Variants in QRICH2 observed in about 807,000 individuals in gnomAD.
QRICH2 encodes glutamine rich 2.
Under a neutral mutation model 168.3 loss-of-function variants are expected in QRICH2, and 119 were observed. The observed-to-expected ratio is 0.71, with a 90% CI of 0.61 to 0.82. The LOEUF is 0.82. QRICH2 is among the 40% of genes least tolerant of loss of function. The pLI, the probability that QRICH2 is intolerant of heterozygous loss-of-function variation, is 0.00. For synonymous variants in QRICH2, 894 were observed against 951.2 expected, an observed-to-expected ratio of 0.94 and a Z score of 1.11; for missense variants, 2,241 against 2,491.6, an observed-to-expected ratio of 0.90 and a Z score of 2.14.
intron 17 of QRICH2, 33 bp from the exon 18 acceptor site, chr17:76,275,980 G>A: frequency 6.3e-7 from 1 of 1,599,050 alleles, no homozygotes; most frequent in Non-Finnish European, 8.5e-7. Context: ...GGTCAGTGCT[G>A]AGGCAGCGGT....
chr17:76,279,973 C>T (rs1006292808), intron 12 of QRICH2, 60 bp downstream of exon 12: 2 of 1,525,634 alleles, frequency 1.3e-6, no homozygotes, highest in Non-Finnish European at 1.8e-6. Context: ...ACCCCCAGCC[C>T]CCTCTGCCCT....
intron 12 of QRICH2, among the ~76,000 whole-genome samples, chr17:76,279,671 C>T (rs914351809): frequency 6.6e-5 from 10 of 152,302 alleles, no homozygotes; most frequent in South Asian, 2.1e-4. Context: ...CGCCCCCTGG[C>T]GGCCACGAAT....
chr17:76,303,261 G>T (rs1421501969), intron 3 of QRICH2, among the ~76,000 whole-genome samples: 1 of 152,090 alleles, frequency 6.6e-6, no homozygotes, highest in Non-Finnish European at 1.5e-5. Context: ...GGAGATCCCA[G>T]GTTGTTTTTT....
At chr17:76,287,165 TGGA>T (rs2070903514) in intron 7 of QRICH2, 24 bp downstream of exon 7, 2 of 1,541,850 alleles carry the variant, frequency 1.3e-6, no homozygotes, top group East Asian at 2.2e-5. Context: ...CCTTGGTCCC[TGGA>T]GCTAAAGAGT....
At chr17:76,285,005 C>T (rs971618817) in intron 7 of QRICH2, among the ~76,000 whole-genome samples, 35 of 150,624 alleles carry the variant, frequency 2.3e-4, no homozygotes, top group African/African-American at 5.8e-4. Flanking sequence ...CCCAGGCTGG[C>T]GTCCAGTGGC....
intron 5 of QRICH2, 36 bp from the exon 6 acceptor site, chr17:76,287,933 C>CT: frequency 1.3e-6 from 2 of 1,552,866 alleles, no homozygotes; most frequent in Non-Finnish European, 1.8e-6. Flanking sequence ...TCAGGCAGGC[C>CT]TGAGCTCCCG....
intron 3 of QRICH2, among the ~76,000 whole-genome samples, chr17:76,299,916 C>T (rs146359315): frequency 0.032 from 4,886 of 151,814 alleles, 284 homozygotes; most frequent in African/African-American, 0.11. Context: ...CAACCTCCGC[C>T]TTCCGGTGGT....
chr17:76,292,635 T>A lies in QRICH2; in HGVS notation c.2092A>T (p.Ile698Phe). Residue 698 changes from isoleucine (I) to phenylalanine (F), a missense_variant, in exon 4 of 19, where the codon ATT (isoleucine) becomes TTT (phenylalanine). By Grantham distance (21) the Ile-to-Phe change is conservative. Coordinates refer to ENST00000680821, the MANE Select transcript of QRICH2 (RefSeq NM_001388453.1). ...PGLVQPGADQ[I>F]DVVQPGADQH... is the part of the protein sequence containing the mutation. ...TCTGCACCAGGTTGCACCACATCAATCTGATCTGCACCAGGTTGGACCAAG... is the reference window on the plus strand; with the variant it reads ...TCTGCACCAGGTTGCACCACATCAAACTGATCTGCACCAGGTTGGACCAAG... The A allele has an allele frequency of 6.2e-7, 1 of 1,606,720 alleles. No individual in the cohort carries two copies. The highest frequency in any genetic ancestry group is 8.5e-7 in the Non-Finnish European group (1 of 1,177,810).
rs1032681195 is a variant in QRICH2, at chr17:76,307,967, T to TCCCGGAGGGAGACCGTGGTCG, written c.11_31dup (p.Ala4_Arg10dup). ...CGTGCCGATGGAGAGGTCCGCCAGC[T>TCCCGGAGGGAGACCGTGGTCG]CCCGGAGGGAGACCGTGGTCGCGGG... On this transcript the variant is annotated inframe_insertion, in exon 1 of 19. Transcript: ENST00000680821. This position sits in a 1 kb window ranked among gnomAD's most constrained non-coding sequence, Gnocchi z 5.3. The TCCCGGAGGGAGACCGTGGTCG allele has an allele frequency of 8.1e-7, 1 of 1,233,504 alleles. No individual in the cohort carries two copies. The allele number at this position is 1,233,504 out of a possible 1,614,324, so 76.4% of individuals were successfully genotyped here.
chr17:76,309,889 C>T (rs2071051249), upstream of QRICH2: 1 of 152,056 alleles, frequency 6.6e-6, no homozygotes, highest in African/African-American at 2.4e-5. Context: ...CTGAGAGGTA[C>T]TGTTTATTTA....
At chr17:76,300,972 T>G (rs866282419) in intron 3 of QRICH2, among the ~76,000 whole-genome samples, 1 of 152,008 alleles carries the variant, frequency 6.6e-6, no homozygotes, top group Non-Finnish European at 1.5e-5. Flanking sequence ...GAGAATCACT[T>G]GAGCTCGGGA....
Position 76,307,948 on chromosome 17 carries a change from G to A in QRICH2, c.51C>T (p.Ile17=). 1.6e-6 allele frequency: 2 copies of A among 1,235,060 alleles called. No homozygotes were observed. Among genetic ancestry groups the A allele is most frequent in the East Asian group, 3.2e-5 (1 of 31,738 alleles). The allele number at this position is 1,235,060 out of a possible 1,614,324, so 76.5% of individuals were successfully genotyped here. A position where few individuals can be genotyped will look rare whatever the true frequency, so the allele number is the denominator to read the frequency against. ...TGACGGCGCCCACCTCTGGCGTGCCGATGGAGAGGTCCGCCAGCTCCCGGA... is the reference window on the plus strand; with the variant it reads ...TGACGGCGCCCACCTCTGGCGTGCCAATGGAGAGGTCCGCCAGCTCCCGGA... The part of the protein sequence containing the change: ...VSLRELADLS[I]GTPEVGAVNF... The change falls in exon 1 of 19, where the codon ATC becomes ATT. Residue 17 remains isoleucine (I), a synonymous_variant. Transcript: ENST00000680821. This position sits in a 1 kb window ranked among gnomAD's most constrained non-coding sequence, Gnocchi z 5.3.
chr17:76,301,917 T>A (rs190971210), intron 3 of QRICH2, among the ~76,000 whole-genome samples: 10,833 of 135,740 alleles, frequency 0.08, 737 homozygotes, highest in African/African-American at 0.18. Context: ...TGTGTGTGTG[T>A]GAGACAGAGT....
intron 7 of QRICH2, among the ~76,000 whole-genome samples, chr17:76,286,076 G>T (rs536843585): frequency 6.6e-6 from 1 of 152,174 alleles, no homozygotes; most frequent in Admixed American, 6.5e-5. Context: ...TCGGGAGGCT[G>T]AGGCAGGAGA....
Position 76,302,188 on chromosome 17 carries a change from G to A in QRICH2, c.705+2227C>T, listed in dbSNP as rs1050455664. The stretch of plus-strand genomic sequence containing the variant: ...GCTGGGATTCCAGCTGTGAGCCACC[G>A]CGCCGGCCGGCACTCATTATTTATA... On this transcript the variant is annotated intron_variant, in intron 3 of 18. Coordinates refer to ENST00000680821, the MANE Select transcript of QRICH2 (RefSeq NM_001388453.1). Among the ~76,000 whole-genome samples, 6 of 151,936 alleles carry A rather than the reference G, an allele frequency of 3.9e-5. 1 individual carries two copies. The highest frequency in any genetic ancestry group is 2.0e-4 in the Admixed American group (3 of 15,244).
chr17:76,280,458 A>T lies in QRICH2; in HGVS notation c.4462-7T>A. On this transcript the variant is annotated splice_region_variant and splice_polypyrimidine_tract_variant and intron_variant, in intron 10 of 18. Transcript: ENST00000680821. This position sits in a 1 kb window ranked among gnomAD's most constrained non-coding sequence, Gnocchi z 7.4. ...GAGCACTCTTGTCGGCTTTCTGCCC[A>T]GAGACAGACAGAGGTCCCCGCATCT... 6.2e-7 allele frequency: 1 copy of T among 1,613,012 alleles called. No homozygotes were observed. The highest frequency in any genetic ancestry group is 8.5e-7 in the Non-Finnish European group (1 of 1,179,474).
chr17:76,293,726 T>G lies in QRICH2; in HGVS notation c.1001A>C (p.Gln334Pro), dbSNP rs2071057512. The G allele has an allele frequency of 1.2e-6, 2 of 1,614,016 alleles. No homozygotes were observed. Among genetic ancestry groups the G allele is most frequent in the Non-Finnish European group, 8.5e-7 (1 of 1,180,028 alleles). Residue 334 changes from glutamine (Q) to proline (P), a missense_variant, in exon 4 of 19, where the codon CAA (glutamine) becomes CCA (proline). By Grantham distance (76) the Gln-to-Pro change is moderately conservative. This residue lies in a region of QRICH2 where 2,047 missense variants were observed against 2,303.8 expected (regional missense o/e 0.89). Transcript: ENST00000680821. ...GTGACGATCTGAGTCTGATTTGAAT[T>G]GGAATGTAGAAGACTGATGGAGTCG... ...VPRLHQSSTF[Q>P]FKSDSDRHRS... is the part of the protein sequence containing the mutation.
intron 16 of QRICH2, 91 bp from the exon 17 acceptor site, chr17:76,276,858 T>C (rs2070690087): frequency 9.7e-7 from 1 of 1,033,790 alleles, no homozygotes; most frequent in African/African-American, 1.6e-5. Flanking sequence ...AGCACTGTGG[T>C]CTCAGAACCC....
rs1397464504 is a variant in QRICH2, at chr17:76,280,621, GAC to G, written c.4461+31_4461+32del. On this transcript the variant is annotated intron_variant, in intron 10 of 18. Coordinates refer to ENST00000680821, the MANE Select transcript of QRICH2 (RefSeq NM_001388453.1). This position sits in a 1 kb window ranked among gnomAD's most constrained non-coding sequence, Gnocchi z 7.4. Reference sequence around the variant, plus strand: ...AGAACAGTCAGCGAGACCGCCCTGGGACACAGCGTGGCTCCTGGGGCCTGGCA... The same window carrying G: ...AGAACAGTCAGCGAGACCGCCCTGGGACAGCGTGGCTCCTGGGGCCTGGCA... The G allele has an allele frequency of 1.2e-6, 2 of 1,612,194 alleles. No individual in the cohort carries two copies. The highest frequency in any genetic ancestry group is 2.2e-5 in the South Asian group (2 of 91,056).
Sources: allele counts gnomAD v4.1 joint callset (sites outside exome capture counted in the v4.1 genomes callset), GRCh38; gene constraint gnomAD v4.1.1; regional missense constraint gnomAD v4.1.1; non-coding constraint Gnocchi (gnomAD v3.1); transcripts MANE v1.5; gene names NCBI Gene and HGNC (gene_info 2026-07-23, HGNC 2026-07-21).